The following URB2 variants were observed in gnomAD, a reference collection of about 807,000 sequenced individuals.
URB2 encodes unhealthy ribosome biogenesis protein 2 homolog.
Under a neutral mutation model 120.9 loss-of-function variants are expected in URB2, and 86 were observed. The observed-to-expected ratio is 0.71, with a 90% confidence interval of 0.60 to 0.85. The LOEUF (loss-of-function observed/expected upper bound fraction) is 0.85, where lower values mean the gene tolerates loss of function less well. Ranked by LOEUF, URB2 falls within the 40% of genes least tolerant of loss-of-function variation. The pLI, the probability that URB2 is intolerant of heterozygous loss-of-function variation, is 0.00. For synonymous variants in URB2, 755 were observed against 758.4 expected (o/e 1.00, Z 0.07); for missense variants, 1,765 against 1,836.5 (o/e 0.96, Z 0.71).
intron 7 of URB2, among the ~76,000 whole-genome samples, chr1:229,650,160 C>T (rs1321619951): frequency 1.3e-5 from 2 of 152,174 alleles, no homozygotes; most frequent in Non-Finnish European, 2.9e-5. Context: ...CACTCTCACA[C>T]GTGATGCAGC....
rs760684865 is a variant in URB2, at chr1:229,637,061, C to T, written c.2448C>T (p.Thr816=). The part of the protein sequence containing the change: ...SLHSAFLTCV[T]TSCSSILCSG... The stretch of plus-strand genomic sequence containing the variant: ...ATTCTGCTTTCTTAACGTGCGTAAC[C>T]ACAAGTTGCTCCAGCATTCTGTGTT... The change falls in exon 4 of 10, where the codon ACC becomes ACT. Residue 816 remains threonine, a synonymous_variant. Transcript: ENST00000258243. The T allele has an allele frequency of 5.6e-6, 9 of 1,614,038 alleles. No individual in the cohort carries two copies. The South Asian group carries it at 8.8e-5, about 16-fold the overall frequency.
At chr1:229,638,608 T>C (rs1665918951) in intron 4 of URB2, among the ~76,000 whole-genome samples, 1 of 151,160 alleles carries the variant, frequency 6.6e-6, no homozygotes, top group Non-Finnish European at 1.5e-5. Context: ...ATCGCGCCAC[T>C]GCACTCTAGC....
rs967917586 is a variant in URB2 at position 229,649,126 on chromosome 1, G to A, written c.4149+1374G>A. Among the ~76,000 whole-genome samples the A allele has an allele frequency of 2.6e-5, 4 of 152,270 alleles. No individual in the cohort carries two copies. The South Asian group carries it at 8.3e-4, about 32-fold the overall frequency. Reference sequence around the variant, plus strand: ...ATGCCTTTGACCAGAGTATTGTTTTGTAGTGCATGGCTGTGTGTCATATAT... The same window carrying A: ...ATGCCTTTGACCAGAGTATTGTTTTATAGTGCATGGCTGTGTGTCATATAT... On this transcript the variant is annotated intron_variant, in intron 7 of 9. Coordinates refer to ENST00000258243, the MANE Select transcript of URB2 (RefSeq NM_014777.4).
chr1:229,636,499 C>T lies in URB2; in HGVS notation c.1886C>T (p.Ser629Phe). 1 of 1,614,230 alleles carries T rather than the reference C, an allele frequency of 6.2e-7. No individual in the cohort carries two copies. The highest frequency in any genetic ancestry group is 8.5e-7 in the Non-Finnish European group (1 of 1,180,040). ...MFSLNCSQYH[S>F]MSGPLIGVAL... Reference sequence around the variant, plus strand: ...AGTTTGAACTGTAGCCAGTATCACTCTATGTCTGGGCCCCTTATAGGTGTT... The same window carrying T: ...AGTTTGAACTGTAGCCAGTATCACTTTATGTCTGGGCCCCTTATAGGTGTT... The change falls in exon 4 of 10, where the codon TCT becomes TTT. Residue 629 changes from serine (S) to phenylalanine (F), a missense_variant. By Grantham distance (155) the Ser-to-Phe change is radical (BLOSUM62 -2). Transcript: ENST00000258243.
chr1:229,640,691 A>G (rs562716573), intron 4 of URB2, among the ~76,000 whole-genome samples: 1 of 152,292 alleles, frequency 6.6e-6, no homozygotes. Context: ...CCAGTGCCAG[A>G]ACTGAAGTGC....
chr1:229,639,983 T>G (rs1665961800), intron 4 of URB2, among the ~76,000 whole-genome samples: 1 of 152,116 alleles, frequency 6.6e-6, no homozygotes. Context: ...CTAGAAAATA[T>G]TAAGCAAAAA....
intron 6 of URB2, among the ~76,000 whole-genome samples, chr1:229,646,852 G>C (rs1666156732): frequency 6.6e-6 from 1 of 152,180 alleles, no homozygotes. Context: ...TCTAGCTGTT[G>C]CTACCTGAGA....
intron 2 of URB2, 103 bp from the exon 3 acceptor site, chr1:229,632,166 C>T (rs144441012): frequency 5.0e-4 from 517 of 1,027,716 alleles, no homozygotes; most frequent in East Asian, 5.0e-3. Context: ...CCGCCGCCCC[C>T]GTGGCAATTG....
At chr1:229,643,456 G>C in intron 4 of URB2, 77 bp from the exon 5 acceptor site, 2 of 1,548,148 alleles carry the variant, frequency 1.3e-6, no homozygotes, top group Non-Finnish European at 1.8e-6. Context: ...ACAGCTGTGC[G>C]CAGTTTCATC....
At position 229,647,148 on chromosome 1, in the gene URB2, A is replaced by G. The variant is rs150981896; in HGVS notation, c.3907-362A>G. Among the ~76,000 whole-genome samples the G allele has an allele frequency of 6.5e-3, 983 of 152,296 alleles. 15 individuals are homozygous for G. Among genetic ancestry groups the G allele is most frequent in the African/African-American group, 0.022 (922 of 41,560 alleles). The stretch of plus-strand genomic sequence containing the variant: ...CCCAGAGGGTGTAGCAGGGGTCCGC[A>G]CAGCCAGAATACCCAGCAGAACAGT... On this transcript the variant is annotated intron_variant, in intron 6 of 9. Transcript: ENST00000258243.
intron 4 of URB2, among the ~76,000 whole-genome samples, chr1:229,639,691 T>G (rs1356550905): frequency 1.3e-5 from 2 of 152,186 alleles, no homozygotes; most frequent in African/African-American, 4.8e-5. Flanking sequence ...GGACTGTGCC[T>G]TCCTTAGTTC....
In URB2 at chr1:229,659,435, T is replaced by C; in HGVS notation, c.*138T>C. On this transcript the variant is annotated 3_prime_UTR_variant, in exon 10 of 10. Transcript: ENST00000258243. ...CATAGAAAATCCTTTGGGGTTTATGTAGTATATTTTGATGTATTTTACATC... is the reference window on the plus strand; with the variant it reads ...CATAGAAAATCCTTTGGGGTTTATGCAGTATATTTTGATGTATTTTACATC... 2.3e-6 allele frequency: 2 copies of C among 876,862 alleles called. No homozygotes were observed. Among genetic ancestry groups the C allele is most frequent in the Non-Finnish European group, 3.4e-6 (2 of 590,562 alleles). 54.3% of individuals were successfully genotyped at this position (876,862 alleles called of 1,614,324 possible).
chr1:229,648,175 A>G (rs1444561557), intron 7 of URB2, among the ~76,000 whole-genome samples: 3 of 151,244 alleles, frequency 2.0e-5, no homozygotes, highest in Non-Finnish European at 4.4e-5. Flanking sequence ...TATTGCATAA[A>G]GTTACCTTCA....
chr1:229,651,869 G>GA (rs1328892169), intron 8 of URB2, among the ~76,000 whole-genome samples: 3 of 152,124 alleles, frequency 2.0e-5, no homozygotes, highest in African/African-American at 7.2e-5. Context: ...TTTCTAATTT[G>GA]AGGGAGACTT....
At chr1:229,656,810 G>A (rs1666416885) in intron 9 of URB2, among the ~76,000 whole-genome samples, 1 of 152,196 alleles carries the variant, frequency 6.6e-6, no homozygotes, top group South Asian at 2.1e-4. Flanking sequence ...AACATGCAGG[G>A]AAATTATGGT....
chr1:229,635,699 G>A lies in URB2; in HGVS notation c.1086G>A (p.Gln362=), dbSNP rs1665786234. 6.2e-7 allele frequency: 1 copy of A among 1,614,194 alleles called. No homozygotes were observed. The highest frequency in any genetic ancestry group is 8.5e-7 in the Non-Finnish European group (1 of 1,180,040). ...CCACAGAGCTTTTGGTTGTGGAACA[G>A]CTACTAAACTCAGTGGCCAACAACA... is the stretch of plus-strand genomic sequence containing the variant. ...DWTTELLVVE[Q]LLNSVANNNI... Residue 362 remains glutamine (Q), a synonymous_variant, in exon 4 of 10, where the codon CAG becomes CAA. Coordinates refer to ENST00000258243, the MANE Select transcript of URB2 (RefSeq NM_014777.4).
Position 229,637,973 on chromosome 1 carries a change from C to G in URB2, c.3360C>G (p.Val1120=). Residue 1120 remains valine (V), a synonymous_variant, in exon 4 of 10, where the codon GTC becomes GTG. Coordinates refer to ENST00000258243, the MANE Select transcript of URB2 (RefSeq NM_014777.4). ...WRLPSVLISS[V]STLLEADLGQ... ...TTCCCTCGGTCCTCATCTCATCCGT[C>G]AGCACGCTCTTGGAAGCCGACCTGG... 1 of 1,613,764 alleles carries G rather than the reference C, an allele frequency of 6.2e-7. No individual in the cohort carries two copies. Among genetic ancestry groups the G allele is most frequent in the Non-Finnish European group, 8.5e-7 (1 of 1,179,844 alleles).
intron 2 of URB2, among the ~76,000 whole-genome samples, chr1:229,628,949 A>G (rs1210680065): frequency 6.6e-6 from 1 of 152,256 alleles, no homozygotes; most frequent in Non-Finnish European, 1.5e-5. Context: ...CTTGGGAGTC[A>G]TCTTGGCAGC....
chr1:229,637,547 G>T lies in URB2; in HGVS notation c.2934G>T (p.Leu978Phe). Residue 978 changes from leucine to phenylalanine, a missense_variant, in exon 4 of 10, where the codon TTG becomes TTT. Physicochemically the swap from Leu to Phe is conservative, Grantham distance 22 (BLOSUM62 0). Transcript: ENST00000258243. ...TTTTTGAGGTTGTACTGACCTCATT[G>T]TTCAGAGCTAGTAGTAGGTTCCTTA... ...SDIFEVVLTSLFRASSRFLIE... is the reference protein window; with the variant it reads ...SDIFEVVLTSFFRASSRFLIE... The T allele has an allele frequency of 6.2e-7, 1 of 1,614,214 alleles. No individual in the cohort carries two copies. Among genetic ancestry groups the T allele is most frequent in the Non-Finnish European group, 8.5e-7 (1 of 1,180,026 alleles).
Sources: allele counts gnomAD v4.1 joint callset (sites outside exome capture counted in the v4.1 genomes callset), GRCh38; gene constraint gnomAD v4.1.1; transcripts MANE v1.5; gene names NCBI Gene and HGNC (gene_info 2026-07-23, HGNC 2026-07-21).